Variants in GULP1 observed in about 807,000 individuals in gnomAD.
GULP1 encodes PTB domain-containing engulfment adapter protein 1.
GULP1 carries 19 observed loss-of-function variants against 40.9 expected under a neutral mutation model. The ratio of observed to expected loss-of-function variants is 0.46; its 90% CI spans 0.32 to 0.68. The LOEUF is 0.68. Ranked by LOEUF, GULP1 falls within the 30% of genes least tolerant of loss-of-function variation. The pLI, the probability that GULP1 is intolerant of heterozygous loss-of-function variation, is 0.03. For synonymous variants in GULP1, 119 were observed against 117.6 expected, an observed-to-expected ratio of 1.01 and a Z score of -0.08; for missense variants, 312 against 362.2, an observed-to-expected ratio of 0.86 and a Z score of 1.12.
chr2:188,377,980 C>T (rs1320500694), intron 1 of GULP1, among the ~76,000 whole-genome samples: 11 of 151,906 alleles, frequency 7.2e-5, no homozygotes, highest in Admixed American at 2.0e-4. Flanking sequence ...GACTTTGATC[C>T]GGTAATTTCC....
At chr2:188,505,531 T>C (rs1386014475) in intron 4 of GULP1, among the ~76,000 whole-genome samples, 1 of 151,828 alleles carries the variant, frequency 6.6e-6, no homozygotes, top group Admixed American at 6.6e-5. Flanking sequence ...TTCTAATGTA[T>C]AGTATTCTAT....
intron 9 of GULP1, among the ~76,000 whole-genome samples, chr2:188,573,443 T>C (rs1327261748): frequency 1.3e-5 from 2 of 152,212 alleles, no homozygotes; most frequent in Non-Finnish European, 1.5e-5. Context: ...ATTTAAAATA[T>C]TTAATAGCTT....
chr2:188,568,852 A>G (rs1698403214), intron 7 of GULP1, among the ~76,000 whole-genome samples: 1 of 152,186 alleles, frequency 6.6e-6, no homozygotes, highest in Admixed American at 6.6e-5. Context: ...CAAGGAGAGA[A>G]ACTACATTTG....
In GULP1 at chr2:188,526,222, A is replaced by G. The variant is rs73042426; in HGVS notation, c.163-2875A>G. Among the ~76,000 whole-genome samples, 398 of 152,258 alleles carry G rather than the reference A, an allele frequency of 2.6e-3. 2 individuals are homozygous for G. Among genetic ancestry groups the G allele is most frequent in the African/African-American group, 9.1e-3 (377 of 41,556 alleles). ...CTACTCCATCCTTCCCCATCATTTT[A>G]TGATGACAAAGGCTTGGTTATATTT... On this transcript the variant is annotated intron_variant, in intron 5 of 11. Transcript: ENST00000409830.
intron 1 of GULP1, among the ~76,000 whole-genome samples, chr2:188,343,373 A>G (rs1043126785): frequency 6.6e-6 from 1 of 152,160 alleles, no homozygotes; most frequent in Non-Finnish European, 1.5e-5. Flanking sequence ...CAAAATTAAA[A>G]TGTTTGATTT....
intron 6 of GULP1, among the ~76,000 whole-genome samples, chr2:188,534,769 A>G (rs1575851362): frequency 6.6e-6 from 1 of 152,126 alleles, no homozygotes; most frequent in Non-Finnish European, 1.5e-5. Flanking sequence ...GTTTCTATCA[A>G]TAAGTTTATC....
intron 2 of GULP1, among the ~76,000 whole-genome samples, chr2:188,418,016 G>A (rs893765443): frequency 5.3e-5 from 8 of 151,486 alleles, no homozygotes; most frequent in African/African-American, 1.9e-4. Context: ...GTTTTGCTAT[G>A]TTATCTGGCC....
chr2:188,357,667 T>C (rs905836600), intron 1 of GULP1, among the ~76,000 whole-genome samples: 2 of 152,076 alleles, frequency 1.3e-5, no homozygotes, highest in Admixed American at 1.3e-4. Context: ...GAAAATAGAA[T>C]TGCCGTATGA....
At chr2:188,577,999 A>G (rs1177577429) in intron 9 of GULP1, among the ~76,000 whole-genome samples, 4 of 151,796 alleles carry the variant, frequency 2.6e-5, no homozygotes, top group Non-Finnish European at 5.9e-5. Flanking sequence ...AAGGGAATTT[A>G]TTTCTTAATT....
At chr2:188,497,407 GACC>G (rs1461519324) in intron 4 of GULP1, among the ~76,000 whole-genome samples, 6 of 151,860 alleles carry the variant, frequency 4.0e-5, no homozygotes, top group African/African-American at 1.5e-4. Flanking sequence ...GTGTTTCTAT[GACC>G]ACCAATATAA....
At chr2:188,590,236 A>T (rs1703254307) in intron 11 of GULP1, 1 of 152,134 alleles carries the variant, frequency 6.6e-6, no homozygotes, top group Admixed American at 6.6e-5. Context: ...GACCTCCCAA[A>T]GTGCTTGGAC....
At chr2:188,338,275 A>G (rs909760663) in intron 1 of GULP1, among the ~76,000 whole-genome samples, 1 of 151,512 alleles carries the variant, frequency 6.6e-6, no homozygotes, top group African/African-American at 2.4e-5. Flanking sequence ...TTTTGGGGAA[A>G]ACAATTTTTT....
intron 1 of GULP1, among the ~76,000 whole-genome samples, chr2:188,381,945 C>T (rs913687533): frequency 6.6e-6 from 1 of 152,008 alleles, no homozygotes; most frequent in African/African-American, 2.4e-5. Context: ...AAATAACATA[C>T]GATTTAATAA....
At chr2:188,416,151 T>G (rs2054550281) in intron 2 of GULP1, among the ~76,000 whole-genome samples, 2 of 152,098 alleles carry the variant, frequency 1.3e-5, no homozygotes, top group Non-Finnish European at 2.9e-5. Flanking sequence ...TCTTAGGTGA[T>G]TTTTCTTTCT....
chr2:188,386,639 T>C (rs2049798266), intron 2 of GULP1, among the ~76,000 whole-genome samples: 1 of 152,160 alleles, frequency 6.6e-6, no homozygotes, highest in Non-Finnish European at 1.5e-5. Context: ...TTTGCATTAG[T>C]AGCATTACTA....
intron 6 of GULP1, among the ~76,000 whole-genome samples, chr2:188,539,404 AT>A (rs1430391281): frequency 1.3e-5 from 2 of 152,166 alleles, no homozygotes; most frequent in African/African-American, 4.8e-5. Flanking sequence ...ACAAAAAAAA[AT>A]CAATAAGAAA....
At chr2:188,457,648 A>T (rs1047315614) in intron 2 of GULP1, among the ~76,000 whole-genome samples, 1 of 152,176 alleles carries the variant, frequency 6.6e-6, no homozygotes, top group Admixed American at 6.5e-5. Context: ...AACATAACTG[A>T]TGTAGTTTTT....
chr2:188,314,033 G>GTC (rs781543273), intron 1 of GULP1, among the ~76,000 whole-genome samples: 14 of 151,214 alleles, frequency 9.3e-5, no homozygotes, highest in Admixed American at 8.6e-4. Context: ...ATAAAATAAA[G>GTC]TAACATAATA....
At chr2:188,544,698 A>G (rs973938324) in intron 7 of GULP1, among the ~76,000 whole-genome samples, 3 of 151,988 alleles carry the variant, frequency 2.0e-5, no homozygotes, top group Non-Finnish European at 2.9e-5. Flanking sequence ...CAAGACAAAG[A>G]TTATAGACTC....
Sources: gnomAD v4.1 joint callset for allele counts (sites outside exome capture counted in the v4.1 genomes callset) on GRCh38, gnomAD v4.1.1 for gene constraint, MANE v1.5 for transcripts, NCBI Gene and HGNC (gene_info 2026-07-23, HGNC 2026-07-21) for gene names.